Variants in SLC23A1 observed in about 807,000 individuals in gnomAD.
SLC23A1 encodes solute carrier family 23 member 1.
In SLC23A1, 31 loss-of-function variants were observed where a neutral mutation model predicts 62.5. That is an observed-to-expected ratio of 0.50 (90% confidence interval 0.37 to 0.67). The LOEUF (loss-of-function observed/expected upper bound fraction) is 0.67, where lower values mean the gene tolerates loss of function less well. SLC23A1 is among the 30% of genes least tolerant of loss of function. SLC23A1 has a pLI of 0.00. For synonymous variants in SLC23A1, 271 were observed against 313.2 expected (o/e 0.87, Z 1.42); for missense variants, 640 against 782.7 (o/e 0.82, Z 2.18).
chr5:139,373,741 G>A (rs1300429561), intron 13 of SLC23A1, among the ~76,000 whole-genome samples: 1 of 151,720 alleles, frequency 6.6e-6, no homozygotes, highest in Non-Finnish European at 1.5e-5. Flanking sequence ...CACTGTTTGG[G>A]CTTGGCTCTA....
In SLC23A1 at chr5:139,378,138, G is replaced by C. The variant is rs752011717; in HGVS notation, c.1310-20C>G. 85 of 1,613,960 alleles carry C rather than the reference G, an allele frequency of 5.3e-5. No individual in the cohort carries two copies. The highest frequency in any genetic ancestry group is 6.9e-5 in the Non-Finnish European group (82 of 1,180,004). ...TCATGCCTAAGGGCGCAAGAGAACG[G>C]CTGGAGGCGCCGCACACGCGTAATC... On this transcript the variant is annotated intron_variant, in intron 11 of 14. Coordinates refer to ENST00000348729, the MANE Select transcript of SLC23A1 (RefSeq NM_005847.5). This position sits in a 1 kb window ranked among gnomAD's most constrained non-coding sequence, Gnocchi z 4.5.
chr5:139,378,127 G>T lies in SLC23A1; in HGVS notation c.1310-9C>A. The T allele has an allele frequency of 3.1e-6, 5 of 1,614,128 alleles. No homozygotes were observed. Among genetic ancestry groups the T allele is most frequent in the Non-Finnish European group, 4.2e-6 (5 of 1,179,992 alleles). Reference sequence around the variant, plus strand: ...CACAGCTGTAATCATGCCTAAGGGCGCAAGAGAACGGCTGGAGGCGCCGCA... The same window carrying T: ...CACAGCTGTAATCATGCCTAAGGGCTCAAGAGAACGGCTGGAGGCGCCGCA... On this transcript the variant is annotated splice_polypyrimidine_tract_variant and intron_variant, in intron 11 of 14. Transcript: ENST00000348729. The surrounding 1 kb of genome is among the most constrained non-coding windows in gnomAD (Gnocchi z 4.5).
rs145262310 is a variant in SLC23A1, at chr5:139,374,945, A to G, written c.1549+2457T>C. ...TAGCATCCTCTAAATGGGCAGGGGT[A>G]CCATGTTCAAATAGCCACCCATCCA... On this transcript the variant is annotated intron_variant, in intron 13 of 14. Transcript: ENST00000348729. Among the ~76,000 whole-genome samples, 207 of 152,130 alleles carry G rather than the reference A, an allele frequency of 1.4e-3. 2 individuals carry two copies. Among genetic ancestry groups the G allele is most frequent in the African/African-American group, 4.5e-3 (185 of 41,420 alleles).
intron 3 of SLC23A1, among the ~76,000 whole-genome samples, 196 bp from the exon 4 acceptor site, chr5:139,381,082 A>G (rs1581377358): frequency 6.6e-6 from 1 of 152,200 alleles, no homozygotes; most frequent in African/African-American, 2.4e-5. Context: ...AAACAAATGG[A>G]GCCCCCAGCT....
At chr5:139,385,431 G>A (rs530934942), upstream of SLC23A1, among the ~76,000 whole-genome samples, 3 of 152,186 alleles carry the variant, frequency 2.0e-5, no homozygotes, top group South Asian at 6.2e-4. Context: ...TACCAGCTGG[G>A]GTCAAAGGCA....
chr5:139,381,906 G>C lies in SLC23A1; in HGVS notation c.294C>G (p.Thr98=). Residue 98 remains threonine, a synonymous_variant, in exon 3 of 15, where the codon ACC becomes ACG. Transcript: ENST00000348729. ...GGGCGGCTCACCGGATGCCCACGGT[G>C]GTCTGGATGAGAGTGGTGATGCCCA... ...TCVGITTLIQ[T]TVGIRLPLFQ... The C allele has an allele frequency of 6.4e-7, 1 of 1,563,388 alleles. No homozygotes were observed. Among genetic ancestry groups the C allele is most frequent in the Non-Finnish European group, 8.7e-7 (1 of 1,154,978 alleles).
At position 139,381,978 on chromosome 5, in the gene SLC23A1, G is replaced by A. The variant is rs141985788; in HGVS notation, c.222C>T (p.His74=). The change falls in exon 3 of 15, where the codon CAC becomes CAT. Residue 74 remains histidine (H), a synonymous_variant. Transcript: ENST00000348729. ...TGAGCTGACTAACCATGTGCTGGTC[G>A]TGGCCCACACACAGCGCCTCAGCCA... The part of the protein sequence containing the change: ...FLLAEALCVG[H]DQHMVSQLIG... 3.2e-5 allele frequency: 51 copies of A among 1,601,488 alleles called. No homozygotes were observed. Among genetic ancestry groups the A allele is most frequent in the South Asian group, 1.8e-4 (16 of 88,794 alleles).
At chr5:139,374,498 A>G (rs1352876656) in intron 13 of SLC23A1, among the ~76,000 whole-genome samples, 2 of 152,208 alleles carry the variant, frequency 1.3e-5, no homozygotes, top group African/African-American at 2.4e-5. Flanking sequence ...CCCAGCAGGA[A>G]GTTAAGGGCT....
At chr5:139,372,969 C>T (rs1467097380) in intron 13 of SLC23A1, among the ~76,000 whole-genome samples, 2 of 152,072 alleles carry the variant, frequency 1.3e-5, no homozygotes, top group East Asian at 3.8e-4. Flanking sequence ...GTGTGTTAGG[C>T]CCATGGGGAC....
chr5:139,382,176 C>T, intron 2 of SLC23A1, 127 bp from the exon 3 acceptor site: 1 of 901,886 alleles, frequency 1.1e-6, no homozygotes, highest in South Asian at 1.6e-5. Context: ...GACTGGCAGT[C>T]CCCACAAGGG....
At chr5:139,380,695 G>GC in intron 4 of SLC23A1, 63 bp from the exon 5 acceptor site, 1 of 1,476,012 alleles carries the variant, frequency 6.8e-7, no homozygotes, top group Non-Finnish European at 9.5e-7. Context: ...GAGAGAAGAT[G>GC]CTGCCATGGC....
chr5:139,383,373 C>T, upstream of SLC23A1: 14 of 1,518,122 alleles, frequency 9.2e-6, no homozygotes, highest in Non-Finnish European at 1.2e-5. Context: ...TAACCAGATG[C>T]CCAGCTCTGG....
rs767275003 is a variant in SLC23A1 at position 139,380,347 on chromosome 5, T to C, written c.508A>G (p.Ile170Val). Reference sequence around the variant, plus strand: ...GCCCCAGGCAGCCCCAGCAGGCCAATCACCACCTCCACCACGCTGGACACC... The same window carrying C: ...GCCCCAGGCAGCCCCAGCAGGCCAACCACCACCTCCACCACGCTGGACACC... ...IMVSSVVEVV[I>V]GLLGLPGALL... is the part of the protein sequence containing the mutation. Residue 170 changes from isoleucine (I) to valine (V), a missense_variant, in exon 6 of 15, where the codon ATT becomes GTT. Ile to Val is a conservative substitution (Grantham distance 29). Coordinates refer to ENST00000348729, the MANE Select transcript of SLC23A1 (RefSeq NM_005847.5). The C allele has an allele frequency of 6.2e-7, 1 of 1,612,328 alleles. No homozygotes were observed. The highest frequency in any genetic ancestry group is 1.3e-5 in the African/African-American group (1 of 74,818).
At chr5:139,375,068 A>G (rs777317769) in intron 13 of SLC23A1, among the ~76,000 whole-genome samples, 37 of 152,108 alleles carry the variant, frequency 2.4e-4, no homozygotes, top group Non-Finnish European at 4.4e-4. Flanking sequence ...GCCCCAACCC[A>G]CCAGCTGTTC....
At position 139,372,154 on chromosome 5, in the gene SLC23A1, A is replaced by G. The variant is rs1757703624; in HGVS notation, c.1649T>C (p.Met550Thr). Reference sequence around the variant, plus strand: ...AAAGGTAATTCTTTTTACTATGCCCATCCCAATGGGGAAATCGTAGCTCTT... The same window carrying G: ...AAAGGTAATTCTTTTTACTATGCCCGTCCCAATGGGGAAATCGTAGCTCTT... ...SLKSYDFPIG[M>T]GIVKRITFLK... The change falls in exon 14 of 15, where the codon ATG becomes ACG. Residue 550 changes from methionine to threonine, a missense_variant. Coordinates refer to ENST00000348729, the MANE Select transcript of SLC23A1 (RefSeq NM_005847.5). 4 of 1,613,558 alleles carry G rather than the reference A, an allele frequency of 2.5e-6. No individual in the cohort carries two copies. In the South Asian group the frequency reaches 4.4e-5, roughly 18 times the overall value.
chr5:139,381,855 G>T, intron 3 of SLC23A1, 37 bp downstream of exon 3: 1 of 1,512,162 alleles, frequency 6.6e-7, no homozygotes, highest in Non-Finnish European at 9.0e-7. Flanking sequence ...ACAGTGGAGG[G>T]GTGGCGGGGG....
chr5:139,381,816 G>T, intron 3 of SLC23A1, 76 bp downstream of exon 3: 1 of 1,256,318 alleles, frequency 8.0e-7, no homozygotes, highest in Non-Finnish European at 1.1e-6. Flanking sequence ...GTGTCCTCTG[G>T]GAGCCCACCT....
At chr5:139,371,072 ACT>A (rs1252338229) in intron 14 of SLC23A1, among the ~76,000 whole-genome samples, 1 of 151,610 alleles carries the variant, frequency 6.6e-6, no homozygotes, top group Non-Finnish European at 1.5e-5. Context: ...ACAGAGCAAG[ACT>A]CTGTCTCAAA....
chr5:139,382,719 G>T, intron 1 of SLC23A1, 114 bp from the exon 2 acceptor site: 1 of 695,298 alleles, frequency 1.4e-6, no homozygotes, highest in South Asian at 1.6e-5. Flanking sequence ...TGAGAGCGGG[G>T]TTCCCGCCCT....
Sources: allele counts gnomAD v4.1 joint callset (sites outside exome capture counted in the v4.1 genomes callset), GRCh38; gene constraint gnomAD v4.1.1; non-coding constraint Gnocchi (gnomAD v3.1); transcripts MANE v1.5; gene names NCBI Gene and HGNC (gene_info 2026-07-23, HGNC 2026-07-21).